Variants in CACNA2D1 observed in about 807,000 individuals in gnomAD.
CACNA2D1 encodes the protein calcium voltage-gated channel auxiliary subunit alpha2delta 1, also known as voltage-dependent calcium channel subunit alpha-2/delta-1.
CACNA2D1 carries 53 observed loss-of-function variants against 171.5 expected under a neutral mutation model. That is an observed-to-expected ratio of 0.31 (90% CI 0.25 to 0.39). The LOEUF is 0.39. Ranked by LOEUF, CACNA2D1 falls within the 10% of genes least tolerant of loss-of-function variation. The pLI is 1.00. For missense variants in CACNA2D1, 903 were observed against 1,299.8 expected (o/e 0.69, Z 4.69); for synonymous variants, 442 against 443.1 (o/e 1.00, Z 0.03).
At chr7:82,189,420 T>G (rs543038007) in intron 3 of CACNA2D1, among the ~76,000 whole-genome samples, 3 of 152,064 alleles carry the variant, frequency 2.0e-5, no homozygotes, top group African/African-American at 7.2e-5. Flanking sequence ...TTCACTCATT[T>G]GGCCCAAATA....
At chr7:82,123,787 G>A (rs1163616904) in intron 5 of CACNA2D1, among the ~76,000 whole-genome samples, 1 of 152,074 alleles carries the variant, frequency 6.6e-6, no homozygotes, top group African/African-American at 2.4e-5. Flanking sequence ...GGGTTCTCGT[G>A]AATTGTAAAT....
At chr7:82,006,129 T>G (rs1799093964) in intron 16 of CACNA2D1, among the ~76,000 whole-genome samples, 1 of 152,012 alleles carries the variant, frequency 6.6e-6, no homozygotes, top group Non-Finnish European at 1.5e-5. Flanking sequence ...CTTCTAATAT[T>G]TATTTTCACT....
rs894969132 is a variant in CACNA2D1 at position 82,219,285 on chromosome 7, A to G, written c.295-48676T>C. Among the ~76,000 whole-genome samples the G allele has an allele frequency of 8.5e-5, 13 of 152,168 alleles. No individual in the cohort carries two copies. The East Asian group carries it at 2.5e-3, about 29-fold the overall frequency. ...GATAGTTTGTATTATTGACAATCAC[A>G]CAACAATATAGCATACTGCATAAAA... On this transcript the variant is annotated intron_variant, in intron 3 of 38. Coordinates refer to ENST00000356860, the MANE Select transcript of CACNA2D1 (RefSeq NM_000722.4).
At chr7:82,015,595 AAG>A in intron 12 of CACNA2D1, among the ~76,000 whole-genome samples, 1 of 152,158 alleles carries the variant, frequency 6.6e-6, no homozygotes, top group South Asian at 2.1e-4. Flanking sequence ...TTAGTAATCT[AAG>A]TAAACCCATA....
chr7:81,961,584 A>C (rs1166522114), intron 36 of CACNA2D1, among the ~76,000 whole-genome samples: 23 of 151,172 alleles, frequency 1.5e-4, no homozygotes, highest in Non-Finnish European at 3.4e-4. Flanking sequence ...AAAAAAAGTT[A>C]AAATATAATC....
chr7:82,363,930 T>C (rs1444423245), intron 1 of CACNA2D1, among the ~76,000 whole-genome samples: 1 of 151,978 alleles, frequency 6.6e-6, no homozygotes, highest in East Asian at 1.9e-4. Flanking sequence ...CAAAGGAATA[T>C]GATTCAAAAA....
intron 1 of CACNA2D1, among the ~76,000 whole-genome samples, chr7:82,395,781 G>T (rs1430352797): frequency 6.6e-6 from 1 of 151,974 alleles, no homozygotes; most frequent in African/African-American, 2.4e-5. Context: ...TATTTTCTCA[G>T]CCTATATGCT....
chr7:82,012,274 G>A (rs1310774758), intron 14 of CACNA2D1, 31 bp from the exon 15 acceptor site: 7 of 1,085,646 alleles, frequency 6.4e-6, no homozygotes, highest in Non-Finnish European at 9.8e-6. Flanking sequence ...AAAAGTCGTG[G>A]TTAAAACTAG....
intron 2 of CACNA2D1, among the ~76,000 whole-genome samples, chr7:82,341,393 A>T (rs1818609235): frequency 6.6e-6 from 1 of 152,186 alleles, no homozygotes; most frequent in Admixed American, 6.5e-5. Context: ...TTGATGTTAG[A>T]ATATACTTTA....
At chr7:81,966,277 TATA>T (rs932266768) in intron 31 of CACNA2D1, among the ~76,000 whole-genome samples, 1 of 151,604 alleles carries the variant, frequency 6.6e-6, no homozygotes, top group African/African-American at 2.4e-5. Flanking sequence ...TGAAAATCAA[TATA>T]ATAATTTGTA....
Position 82,136,620 on chromosome 7 carries a change from A to G in CACNA2D1, c.396+15T>C. 6.4e-7 allele frequency: 1 copy of G among 1,568,398 alleles called. No individual in the cohort carries two copies. The highest frequency in any genetic ancestry group is 8.7e-7 in the Non-Finnish European group (1 of 1,146,566). On this transcript the variant is annotated intron_variant, in intron 5 of 38. Transcript: ENST00000356860. ...TAATTTTCTTGGAATTTAATGGAAA[A>G]CATTTAATACTCACATCGAGATCAT... is the stretch of plus-strand genomic sequence containing the variant.
At chr7:82,385,589 C>T (rs955326353) in intron 1 of CACNA2D1, among the ~76,000 whole-genome samples, 4 of 152,168 alleles carry the variant, frequency 2.6e-5, no homozygotes, top group Non-Finnish European at 4.4e-5. Context: ...TGGAACACTA[C>T]AGCCAGATAC....
chr7:82,367,198 C>A (rs2129447846), intron 1 of CACNA2D1, among the ~76,000 whole-genome samples: 1 of 152,158 alleles, frequency 6.6e-6, no homozygotes, highest in South Asian at 2.1e-4. Context: ...CATGAGCCAC[C>A]ATGCCTGGCT....
intron 3 of CACNA2D1, among the ~76,000 whole-genome samples, chr7:82,193,360 C>T (rs1400857515): frequency 1.3e-5 from 2 of 151,744 alleles, no homozygotes; most frequent in Non-Finnish European, 2.9e-5. Context: ...CAAAATAGTC[C>T]CGGGCAAACT....
intron 12 of CACNA2D1, among the ~76,000 whole-genome samples, chr7:82,023,022 A>G (rs1801430837): frequency 6.6e-6 from 1 of 151,908 alleles, no homozygotes; most frequent in Non-Finnish European, 1.5e-5. Flanking sequence ...AATCTTAAGT[A>G]TGTATTGCTA....
At chr7:82,162,974 G>T (rs1372286284) in intron 4 of CACNA2D1, among the ~76,000 whole-genome samples, 1 of 151,896 alleles carries the variant, frequency 6.6e-6, no homozygotes, top group East Asian at 1.9e-4. Flanking sequence ...AAACTCTCAG[G>T]CCAGGCCTTC....
rs763054858 is a variant in CACNA2D1, at chr7:82,039,942, T to G, written c.880-1707A>C. Among the ~76,000 whole-genome samples, 221 of 152,312 alleles carry G rather than the reference T, an allele frequency of 1.5e-3. 1 individual carries two copies. The highest frequency in any genetic ancestry group is 0.01 in the Middle Eastern group (3 of 294). On this transcript the variant is annotated intron_variant, in intron 10 of 38. Transcript: ENST00000356860. ...TCTAATGGAAATGCTGAAGATGATT[T>G]TATTTTCTGTGAAATGGAAAGTCAC... is the stretch of plus-strand genomic sequence containing the variant.
At chr7:82,149,281 GAC>G (rs1001581907) in intron 4 of CACNA2D1, among the ~76,000 whole-genome samples, 7 of 152,218 alleles carry the variant, frequency 4.6e-5, no homozygotes, top group African/African-American at 1.7e-4. Flanking sequence ...GATGTTCACT[GAC>G]TGGTTTTTAA....
intron 34 of CACNA2D1, among the ~76,000 whole-genome samples, chr7:81,963,327 A>G (rs1794358674): frequency 6.6e-6 from 1 of 151,936 alleles, no homozygotes. Context: ...TCTACATGGA[A>G]TAGGGCTAAC....
Sources: gnomAD v4.1 joint callset for allele counts (sites outside exome capture counted in the v4.1 genomes callset) on GRCh38, gnomAD v4.1.1 for gene constraint, MANE v1.5 for transcripts, NCBI Gene and HGNC (gene_info 2026-07-23, HGNC 2026-07-21) for gene names.